Variants in ICA1 observed in about 807,000 individuals in gnomAD.
ICA1 encodes the protein 69 kDa islet cell autoantigen.
ICA1 carries 40 observed loss-of-function variants against 71.0 expected under a neutral mutation model. The observed-to-expected ratio is 0.56, with a 90% confidence interval of 0.44 to 0.73. The LOEUF is 0.73. Among genes scored for constraint, ICA1 ranks in the 30% least tolerant of loss-of-function variants. The probability of loss-of-function intolerance (pLI) is 0.00; values close to 1 mark genes in which losing one functional copy is unlikely to be tolerated. For synonymous variants in ICA1, 207 were observed against 209.5 expected (o/e 0.99, Z 0.10); for missense variants, 578 against 576.5 (o/e 1.00, Z -0.03).
chr7:8,143,731 G>T, intron 9 of ICA1, 144 bp downstream of exon 9: 1 of 603,674 alleles, frequency 1.7e-6, no homozygotes, highest in South Asian at 2.1e-5. Context: ...AAAGGGGTTT[G>T]GCTGGGATGC....
chr7:8,250,796 T>C (rs1055638398), intron 1 of ICA1, among the ~76,000 whole-genome samples: 4 of 152,244 alleles, frequency 2.6e-5, no homozygotes, highest in African/African-American at 9.6e-5. Context: ...ATCTTATTCA[T>C]GGTAGCTAAA....
chr7:8,214,366 G>A (rs116188001), intron 6 of ICA1, among the ~76,000 whole-genome samples: 2,359 of 152,296 alleles, frequency 0.015, 55 homozygotes, highest in African/African-American at 0.054. Context: ...TGCCTTCAAA[G>A]AGCACATATA....
chr7:8,209,636 T>C (rs1255726351), intron 6 of ICA1, among the ~76,000 whole-genome samples: 1 of 152,224 alleles, frequency 6.6e-6, no homozygotes, highest in Admixed American at 6.5e-5. Flanking sequence ...GCTCATTTGA[T>C]AAACATTTAT....
In ICA1 at chr7:8,119,459, A is replaced by G. The variant is rs542239568; in HGVS notation, c.1331-5415T>C. Among the ~76,000 whole-genome samples the G allele has an allele frequency of 3.8e-4, 58 of 152,354 alleles. 1 individual carries two copies. The highest frequency in any genetic ancestry group is 6.8e-4 in the Non-Finnish European group (46 of 68,024). Reference sequence around the variant, plus strand: ...TAAGAGGAGGCAGAAATCAATTTATATGTCAAAATGGAACTCACTTCCCAT... The same window carrying G: ...TAAGAGGAGGCAGAAATCAATTTATGTGTCAAAATGGAACTCACTTCCCAT... On this transcript the variant is annotated intron_variant, in intron 13 of 13. Coordinates refer to ENST00000402384, the MANE Select transcript of ICA1 (RefSeq NM_001136020.3).
intron 1 of ICA1, among the ~76,000 whole-genome samples, chr7:8,241,586 G>T (rs1204188001): frequency 1.3e-5 from 2 of 152,020 alleles, no homozygotes; most frequent in East Asian, 3.9e-4. Context: ...ATTGTAAATG[G>T]GCTAAATGCC....
Position 8,218,416 on chromosome 7 carries a change from C to T in ICA1, c.468G>A (p.Val156=). The T allele has an allele frequency of 1.2e-6, 2 of 1,614,136 alleles. No homozygotes were observed. Among genetic ancestry groups the T allele is most frequent in the Non-Finnish European group, 1.7e-6 (2 of 1,179,996 alleles). ...HRAISDTWLT[V]NRMEQCRTEY... ...CCGTCCTGCACTGTTCCATGCGGTT[C>T]ACCGTCAGCCAAGTATCTGAGATGG... The change falls in exon 6 of 14, where the codon GTG becomes GTA. Residue 156 remains valine (V), a synonymous_variant. Coordinates refer to ENST00000402384, the MANE Select transcript of ICA1 (RefSeq NM_001136020.3).
chr7:8,201,619 A>C (rs1032655954), intron 6 of ICA1, among the ~76,000 whole-genome samples: 8 of 152,216 alleles, frequency 5.3e-5, no homozygotes, highest in East Asian at 1.9e-4. Context: ...AAAATAAAGC[A>C]GTGCAGTTGA....
chr7:8,174,639 A>G (rs371210542), intron 6 of ICA1, among the ~76,000 whole-genome samples: 1 of 151,854 alleles, frequency 6.6e-6, no homozygotes. Context: ...ACAAAAAAAT[A>G]AAAAAATCAG....
chr7:8,113,841 A>G lies in ICA1; in HGVS notation c.*82T>C. 6.9e-7 allele frequency: 1 copy of G among 1,443,284 alleles called. No individual in the cohort carries two copies. The highest frequency in any genetic ancestry group is 1.2e-5 in the South Asian group (1 of 86,592). 89.4% of individuals were successfully genotyped at this position (1,443,284 alleles called of 1,614,324 possible). A position where few individuals can be genotyped will look rare whatever the true frequency, so the allele number is the denominator to read the frequency against. On this transcript the variant is annotated 3_prime_UTR_variant, in exon 14 of 14. Coordinates refer to ENST00000402384, the MANE Select transcript of ICA1 (RefSeq NM_001136020.3). This position sits in a 1 kb window ranked among gnomAD's most constrained non-coding sequence, Gnocchi z 4.2. ...AATGGCACATAATTATTAAAACAGC[A>G]TACTGATCACTTTATACTTCTGCTA...
At chr7:8,195,999 A>ACAACAC (rs1487789085) in intron 6 of ICA1, among the ~76,000 whole-genome samples, 15 of 51,530 alleles carry the variant, frequency 2.9e-4, no homozygotes, top group Admixed American at 5.4e-4. Context: ...AACAACAACA[A>ACAACAC]CACCAACACC....
chr7:8,147,788 G>C (rs538238646), intron 8 of ICA1, among the ~76,000 whole-genome samples: 27 of 151,760 alleles, frequency 1.8e-4, no homozygotes, highest in Non-Finnish European at 3.5e-4. Context: ...TCAATGGTTT[G>C]CAGTACACAG....
intron 8 of ICA1, among the ~76,000 whole-genome samples, chr7:8,154,610 A>C (rs774110505): frequency 2.0e-5 from 3 of 152,244 alleles, no homozygotes; most frequent in Non-Finnish European, 1.5e-5. Flanking sequence ...TCAACAGAAT[A>C]AATTAATCGT....
chr7:8,193,277 GTA>G (rs1459570335), intron 6 of ICA1, among the ~76,000 whole-genome samples: 2 of 152,160 alleles, frequency 1.3e-5, no homozygotes, highest in African/African-American at 4.8e-5. Context: ...ATGCATGCAT[GTA>G]TGTGTGTATG....
chr7:8,232,697 T>C lies in ICA1; in HGVS notation c.76A>G (p.Met26Val). The C allele has an allele frequency of 6.2e-7, 1 of 1,612,572 alleles. No individual in the cohort carries two copies. The change falls in exon 3 of 14, where the codon ATG becomes GTG. Residue 26 changes from methionine (M) to valine (V), a missense_variant. Met to Val is a conservative substitution (Grantham distance 21). Coordinates refer to ENST00000402384, the MANE Select transcript of ICA1 (RefSeq NM_001136020.3). Reference sequence around the variant, plus strand: ...TTCGTCTCCCAATATTTCTGTTGCATCTTATTTACAACTGACTTATCTTGA... The same window carrying C: ...TTCGTCTCCCAATATTTCTGTTGCACCTTATTTACAACTGACTTATCTTGA... Reference protein sequence around the residue: ...YAQDKSVVNKMQQKYWETKQA... With the variant: ...YAQDKSVVNKVQQKYWETKQA...
intron 12 of ICA1, 90 bp downstream of exon 12, chr7:8,138,750 A>G: frequency 8.9e-7 from 1 of 1,119,098 alleles, no homozygotes; most frequent in Non-Finnish European, 1.3e-6. Flanking sequence ...CAAAGCTATT[A>G]AAAAGATTAA....
chr7:8,146,865 C>CAA (rs1797138822), intron 8 of ICA1, among the ~76,000 whole-genome samples: 2 of 129,076 alleles, frequency 1.5e-5, no homozygotes, highest in Non-Finnish European at 3.4e-5. Context: ...TGTACACACA[C>CAA]ACACACACAC....
intron 7 of ICA1, 186 bp downstream of exon 7, chr7:8,158,341 G>T: frequency 1.6e-6 from 1 of 637,994 alleles, no homozygotes; most frequent in Non-Finnish European, 2.7e-6. Flanking sequence ...GTATATACAG[G>T]AAATAACTAC....
At chr7:8,249,279 G>A (rs1320257016) in intron 1 of ICA1, among the ~76,000 whole-genome samples, 1 of 152,262 alleles carries the variant, frequency 6.6e-6, no homozygotes, top group Admixed American at 6.5e-5. Flanking sequence ...AAGGCTGGAA[G>A]TGCGGTGGGG....
chr7:8,154,312 G>C (rs377452121), intron 8 of ICA1, among the ~76,000 whole-genome samples: 1 of 152,182 alleles, frequency 6.6e-6, no homozygotes, highest in South Asian at 2.1e-4. Context: ...GTGCTTCTTG[G>C]GGCATGAGTT....
Sources: allele counts gnomAD v4.1 joint callset (sites outside exome capture counted in the v4.1 genomes callset), GRCh38; gene constraint gnomAD v4.1.1; non-coding constraint Gnocchi (gnomAD v3.1); transcripts MANE v1.5; gene names NCBI Gene and HGNC (gene_info 2026-07-23, HGNC 2026-07-21).